TRPM3: variants seen among roughly 807,000 people sequenced by gnomAD.
The protein encoded by TRPM3 is transient receptor potential cation channel subfamily M member 3, also known as long transient receptor potential channel 3.
TRPM3 carries 77 observed loss-of-function variants against 181.2 expected under a neutral mutation model. The ratio of observed to expected loss-of-function variants is 0.42; its 90% CI spans 0.35 to 0.51. The LOEUF is 0.51. TRPM3 is among the 20% of genes least tolerant of loss of function. The probability of loss-of-function intolerance (pLI) is 0.01; values close to 1 mark genes in which losing one functional copy is unlikely to be tolerated. For synonymous variants in TRPM3, 745 were observed against 796.4 expected (o/e 0.94, Z 1.09); for missense variants, 1,759 against 2,196.7 (o/e 0.80, Z 3.98).
At chr9:70,960,461 T>G (rs2133814112) in intron 1 of TRPM3, among the ~76,000 whole-genome samples, 1 of 152,304 alleles carries the variant, frequency 6.6e-6, no homozygotes, top group South Asian at 2.1e-4. Context: ...TTGGAAAACC[T>G]TCTGGGACAC....
At chr9:71,263,119 T>G (rs1387419325) in intron 1 of TRPM3, among the ~76,000 whole-genome samples, 1 of 152,226 alleles carries the variant, frequency 6.6e-6, no homozygotes, top group African/African-American at 2.4e-5. Context: ...CTGACCACCA[T>G]TATTTTTAAG....
intron 14 of TRPM3, among the ~76,000 whole-genome samples, chr9:70,622,790 G>A (rs1347575680): frequency 6.6e-6 from 1 of 152,196 alleles, no homozygotes. Context: ...AGCACTTACA[G>A]TTCCTCCAAA....
Position 70,603,317 on chromosome 9 carries a change from C to T in TRPM3, c.2796+25G>A, listed in dbSNP as rs149271121. On this transcript the variant is annotated intron_variant, in intron 20 of 25. Transcript: ENST00000677713. ...GAACTTAACCACTGTCTTTCTCTTA[C>T]GTTTTCTTTTATAAAAGCCGTTACC... The T allele has an allele frequency of 5.6e-5, 90 of 1,606,410 alleles. 1 individual carries two copies. The East Asian group carries it at 1.4e-3, about 25-fold the overall frequency.
rs570029134 is a variant in TRPM3 at position 70,620,374 on chromosome 9, A to T, written c.1840-9T>A. 6.2e-7 allele frequency: 1 copy of T among 1,601,162 alleles called. No homozygotes were observed. The highest frequency in any genetic ancestry group is 8.5e-7 in the Non-Finnish European group (1 of 1,171,128). On this transcript the variant is annotated splice_polypyrimidine_tract_variant and intron_variant, in intron 15 of 25. Coordinates refer to ENST00000677713, the MANE Select transcript of TRPM3 (RefSeq NM_001366145.2). ...CTCAAGGGAATATCATCCTGTAATT[A>T]CAGGGAAACCACACAGACTGAGTTA...
intron 1 of TRPM3, among the ~76,000 whole-genome samples, chr9:71,349,356 G>A (rs1355536087): frequency 1.3e-5 from 2 of 152,136 alleles, no homozygotes; most frequent in Non-Finnish European, 2.9e-5. Flanking sequence ...GGTAGAGCCA[G>A]GGGAACTCCC....
At chr9:71,313,375 A>G (rs899322594) in intron 1 of TRPM3, among the ~76,000 whole-genome samples, 1 of 152,164 alleles carries the variant, frequency 6.6e-6, no homozygotes, top group Non-Finnish European at 1.5e-5. Flanking sequence ...TGATTCCTAA[A>G]TTTCTAGATG....
chr9:71,410,624 C>T (rs1033038443), intron 1 of TRPM3, among the ~76,000 whole-genome samples: 6 of 152,094 alleles, frequency 3.9e-5, no homozygotes, highest in African/African-American at 1.4e-4. Context: ...TAATAGCCTA[C>T]CAACCAAAAA....
At chr9:71,056,695 A>G (rs542069317) in intron 1 of TRPM3, among the ~76,000 whole-genome samples, 2 of 152,082 alleles carry the variant, frequency 1.3e-5, no homozygotes, top group Admixed American at 6.6e-5. Context: ...AGGGAAGACT[A>G]TAAGACATAG....
chr9:70,700,911 A>G (rs1387113575), intron 8 of TRPM3, among the ~76,000 whole-genome samples: 1 of 152,244 alleles, frequency 6.6e-6, no homozygotes. Flanking sequence ...ATTTTACTGT[A>G]GAGGGCAGGT....
chr9:71,116,707 A>T (rs1400843517), intron 1 of TRPM3, among the ~76,000 whole-genome samples: 1 of 152,184 alleles, frequency 6.6e-6, no homozygotes. Context: ...AAGGATAAAA[A>T]ATAAGAGTTT....
chr9:71,383,193 C>G (rs559366866), intron 1 of TRPM3, among the ~76,000 whole-genome samples: 1 of 152,234 alleles, frequency 6.6e-6, no homozygotes, highest in South Asian at 2.1e-4. Flanking sequence ...GATACATACA[C>G]ATATATGCAT....
intron 6 of TRPM3, among the ~76,000 whole-genome samples, chr9:70,820,728 A>T (rs1205663261): frequency 6.6e-6 from 1 of 151,554 alleles, no homozygotes; most frequent in East Asian, 1.9e-4. Flanking sequence ...AATCACAACG[A>T]CTCCTTTAAT....
chr9:70,957,124 C>T (rs960179158), intron 1 of TRPM3, among the ~76,000 whole-genome samples: 1 of 151,902 alleles, frequency 6.6e-6, no homozygotes. Flanking sequence ...CCGCACCTGG[C>T]TAATTTTTTT....
chr9:71,268,303 C>T (rs2083531656), intron 1 of TRPM3, among the ~76,000 whole-genome samples: 1 of 151,968 alleles, frequency 6.6e-6, no homozygotes, highest in Non-Finnish European at 1.5e-5. Flanking sequence ...TCACTTGAAC[C>T]CAGGAGGCAG....
intron 1 of TRPM3, among the ~76,000 whole-genome samples, chr9:71,098,050 T>G (rs777925431): frequency 2.0e-5 from 3 of 152,112 alleles, no homozygotes; most frequent in Non-Finnish European, 4.4e-5. Flanking sequence ...CAGCATGTAT[T>G]TGATACATGC....
intron 1 of TRPM3, chr9:70,917,562 A>ATTTTTTTTTTTTT: frequency 1.6e-6 from 1 of 612,862 alleles, no homozygotes. Context: ...AACAGTGTTA[A>ATTTTTTTTTTTTT]GTTGTTATAT....
chr9:70,610,881 G>C, intron 18 of TRPM3, 132 bp from the exon 19 acceptor site: 1 of 1,092,000 alleles, frequency 9.2e-7, no homozygotes, highest in East Asian at 2.4e-5. Flanking sequence ...TTTAGAGGTT[G>C]TACCTTCCCT....
chr9:71,094,878 G>A (rs118079304), intron 1 of TRPM3, among the ~76,000 whole-genome samples: 4 of 151,966 alleles, frequency 2.6e-5, no homozygotes, highest in South Asian at 2.1e-4. Context: ...CACTCGACTC[G>A]GCAATATAAT....
In TRPM3 at chr9:70,610,594, A is replaced by G; in HGVS notation, c.2667+15T>C. ...GTGGCCATCCACTAGGAAGGAGAAA[A>G]GGAAATGTGCTTACTGTGTAGAACC... is the stretch of plus-strand genomic sequence containing the variant. On this transcript the variant is annotated intron_variant, in intron 19 of 25. Transcript: ENST00000677713. 1 of 1,609,178 alleles carries G rather than the reference A, an allele frequency of 6.2e-7. No homozygotes were observed. Among genetic ancestry groups the G allele is most frequent in the Non-Finnish European group, 8.5e-7 (1 of 1,176,566 alleles).
Sources: gnomAD v4.1 joint callset for allele counts (sites outside exome capture counted in the v4.1 genomes callset) on GRCh38, gnomAD v4.1.1 for gene constraint, MANE v1.5 for transcripts, NCBI Gene and HGNC (gene_info 2026-07-23, HGNC 2026-07-21) for gene names.